The following R3HDM1 variants were observed in gnomAD, a reference collection of about 807,000 sequenced individuals.
R3HDM1 encodes R3H domain-containing protein 1.
A neutral mutation model predicts 141.1 loss-of-function variants in R3HDM1; 46 were observed. The observed-to-expected ratio is 0.33, with a 90% CI of 0.26 to 0.42. R3HDM1 has a LOEUF of 0.42. Among genes scored for constraint, R3HDM1 ranks in the 10% least tolerant of loss-of-function variants. The pLI is 1.00. For synonymous variants in R3HDM1, 435 were observed against 472.9 expected (o/e 0.92, Z 1.04); for missense variants, 1,184 against 1,368.3 (o/e 0.87, Z 2.12).
intron 1 of R3HDM1, among the ~76,000 whole-genome samples, chr2:135,579,845 A>G (rs1574030813): frequency 6.6e-6 from 1 of 152,208 alleles, no homozygotes; most frequent in East Asian, 1.9e-4. Context: ...GATATCAGTA[A>G]TTGTACTATA....
intron 9 of R3HDM1, among the ~76,000 whole-genome samples, chr2:135,635,310 C>T (rs746820211): frequency 6.6e-6 from 1 of 152,190 alleles, no homozygotes; most frequent in Non-Finnish European, 1.5e-5. Context: ...CTTGTCCCAG[C>T]ATTTTTTCGT....
intron 7 of R3HDM1, among the ~76,000 whole-genome samples, chr2:135,626,515 AT>A (rs1318518800): frequency 2.0e-5 from 3 of 152,190 alleles, no homozygotes; most frequent in African/African-American, 7.2e-5. Flanking sequence ...GTAAAATAAG[AT>A]TCTAGACAGG....
intron 7 of R3HDM1, among the ~76,000 whole-genome samples, chr2:135,630,297 A>AAAAC (rs1226807936): frequency 3.4e-5 from 5 of 146,354 alleles, no homozygotes; most frequent in African/African-American, 1.3e-4. Flanking sequence ...AAAAAAAAAA[A>AAAAC]AAAAAAAAAA....
chr2:135,588,364 CTT>C (rs1708429332), intron 1 of R3HDM1, among the ~76,000 whole-genome samples: 1 of 152,076 alleles, frequency 6.6e-6, no homozygotes, highest in Admixed American at 6.6e-5. Context: ...CCTTCCCTCT[CTT>C]GGCACTCTGC....
intron 21 of R3HDM1, among the ~76,000 whole-genome samples, chr2:135,683,815 C>G (rs1299821268): frequency 6.6e-6 from 1 of 152,002 alleles, no homozygotes; most frequent in African/African-American, 2.4e-5. Context: ...ATTCAGAAAT[C>G]TAGACTTAGT....
chr2:135,606,732 G>C (rs867048839), intron 3 of R3HDM1: 105 of 130,514 alleles, frequency 8.0e-4, no homozygotes, highest in African/African-American at 3.0e-3. Context: ...CTCCAGCCTA[G>C]TGACAGAGCA....
intron 21 of R3HDM1, among the ~76,000 whole-genome samples, chr2:135,693,078 T>G (rs2072693323): frequency 6.6e-6 from 1 of 152,220 alleles, no homozygotes; most frequent in South Asian, 2.1e-4. Flanking sequence ...AATTGTGGAT[T>G]CTATTTAGGT....
At chr2:135,614,775 A>G (rs1574364063) in intron 3 of R3HDM1, among the ~76,000 whole-genome samples, 2 of 152,184 alleles carry the variant, frequency 1.3e-5, no homozygotes, top group African/African-American at 4.8e-5. Context: ...TCATTTAGGT[A>G]TGTGCATTTT....
chr2:135,693,467 A>T (rs1391035232), intron 21 of R3HDM1, among the ~76,000 whole-genome samples: 1 of 152,168 alleles, frequency 6.6e-6, no homozygotes, highest in Admixed American at 6.5e-5. Flanking sequence ...TAATAGTCAG[A>T]TGTTGTAGGG....
At chr2:135,705,529 G>A (rs952287936) in intron 21 of R3HDM1, among the ~76,000 whole-genome samples, 7 of 152,072 alleles carry the variant, frequency 4.6e-5, no homozygotes, top group Non-Finnish European at 7.4e-5. Flanking sequence ...TTAGCTACTC[G>A]GGAGGCTGAG....
At position 135,585,215 on chromosome 2, in the gene R3HDM1, T is replaced by C. The variant is rs148654183; in HGVS notation, c.-249-17285T>C. 9.3e-4 allele frequency among the ~76,000 whole-genome samples: 141 copies of C among 152,348 alleles called. 2 individuals carry two copies. Among genetic ancestry groups the C allele is most frequent in the Admixed American group, 1.9e-3 (29 of 15,300 alleles). ...GTGGATTTCTATGTATTTTTAACAA[T>C]CTACTTCTAGGGCCGAGTCTATTTT... On this transcript the variant is annotated intron_variant, in intron 1 of 26. Transcript: ENST00000683871.
At chr2:135,638,553 T>G (rs2063483576) in intron 11 of R3HDM1, 65 bp from the exon 12 acceptor site, 3 of 1,466,448 alleles carry the variant, frequency 2.0e-6, no homozygotes, top group Non-Finnish European at 2.8e-6. Context: ...TCATCATTGG[T>G]TTACAGATGG....
intron 21 of R3HDM1, among the ~76,000 whole-genome samples, chr2:135,686,123 A>T (rs1377104225): frequency 6.6e-6 from 1 of 152,232 alleles, no homozygotes; most frequent in East Asian, 1.9e-4. Context: ...ATGAGATATC[A>T]CCTCACACCT....
At position 135,544,084 on chromosome 2, in the gene R3HDM1, A is replaced by G. The variant is rs146009701; in HGVS notation, c.-250+12451A>G. Among the ~76,000 whole-genome samples, 14 of 152,344 alleles carry G rather than the reference A, an allele frequency of 9.2e-5. 1 individual carries two copies. The East Asian group carries it at 2.7e-3, about 29-fold the overall frequency. On this transcript the variant is annotated intron_variant, in intron 1 of 26. Transcript: ENST00000683871. ...GACATCTCCTTTTAGGGATTTTGTA[A>G]GGAGGAAACAAGATAATGCCTGTAA...
intron 3 of R3HDM1, among the ~76,000 whole-genome samples, chr2:135,610,848 T>A (rs1476266718): frequency 6.6e-6 from 1 of 152,164 alleles, no homozygotes; most frequent in Non-Finnish European, 1.5e-5. Flanking sequence ...GCGTGGTGGC[T>A]CCTGCCAGCA....
At chr2:135,541,822 T>C (rs1477440483) in intron 1 of R3HDM1, among the ~76,000 whole-genome samples, 4 of 139,142 alleles carry the variant, frequency 2.9e-5, no homozygotes, top group Non-Finnish European at 6.1e-5. Context: ...TATGCTTGAC[T>C]CAAGAGTTGC....
At chr2:135,707,015 C>G (rs1043601554) in intron 21 of R3HDM1, among the ~76,000 whole-genome samples, 19 of 151,802 alleles carry the variant, frequency 1.3e-4, no homozygotes, top group African/African-American at 4.1e-4. Flanking sequence ...GGCTGACCCC[C>G]CCACCTCCCT....
chr2:135,714,764 T>TACAC (rs144894901), intron 23 of R3HDM1, among the ~76,000 whole-genome samples: 2,252 of 146,818 alleles, frequency 0.015, 33 homozygotes, highest in East Asian at 0.041. Flanking sequence ...TATGGGTGTA[T>TACAC]ACACACACAC....
chr2:135,607,421 C>G (rs774441156), intron 3 of R3HDM1: 2 of 779,042 alleles, frequency 2.6e-6, no homozygotes, highest in Non-Finnish European at 3.1e-6. Context: ...TTAGGCCCCA[C>G]TTATAGTCAA....
Sources: allele counts gnomAD v4.1 joint callset (sites outside exome capture counted in the v4.1 genomes callset), GRCh38; gene constraint gnomAD v4.1.1; transcripts MANE v1.5; gene names NCBI Gene and HGNC (gene_info 2026-07-23, HGNC 2026-07-21).